GUCY2C: variants seen among roughly 807,000 people sequenced by gnomAD.
GUCY2C encodes the protein guanylyl cyclase C.
In GUCY2C, 118 loss-of-function variants were observed where a neutral mutation model predicts 131.1. The observed-to-expected ratio is 0.90, with a 90% confidence interval of 0.78 to 1.05. GUCY2C has a LOEUF of 1.05. Ranked by LOEUF, GUCY2C falls within the 50% of genes least tolerant of loss-of-function variation. The pLI, the probability that GUCY2C is intolerant of heterozygous loss-of-function variation, is 0.00. For synonymous variants in GUCY2C, 452 were observed against 457.8 expected (o/e 0.99, Z 0.16); for missense variants, 1,161 against 1,304.4 (o/e 0.89, Z 1.69).
chr12:14,623,648 G>A (rs1018493385), intron 21 of GUCY2C, among the ~76,000 whole-genome samples: 4 of 152,202 alleles, frequency 2.6e-5, no homozygotes, highest in Non-Finnish European at 5.9e-5. Flanking sequence ...CAAATCTCAT[G>A]CTGAATTGTA....
chr12:14,681,621 G>T, intron 4 of GUCY2C, 144 bp from the exon 5 acceptor site: 1 of 652,650 alleles, frequency 1.5e-6, no homozygotes. Flanking sequence ...CACACACCAT[G>T]ATACCACTAG....
chr12:14,615,634 T>G (rs1592068737), intron 25 of GUCY2C, among the ~76,000 whole-genome samples: 2 of 147,574 alleles, frequency 1.4e-5, no homozygotes, highest in South Asian at 2.1e-4. Context: ...GAGTGATTGA[T>G]ATATATATAT....
In GUCY2C at chr12:14,683,064, T is replaced by C. The variant is rs1948382352; in HGVS notation, c.589A>G (p.Thr197Ala). The change falls in exon 4 of 27, where the codon ACA becomes GCA. Residue 197 changes from threonine to alanine, a missense_variant. Coordinates refer to ENST00000261170, the MANE Select transcript of GUCY2C (RefSeq NM_004963.4). ...TACCAGAAACAGTCCTCAGTTTCTG[T>C]ACCATTCTTGTAAACATACGAAGTG... The part of the protein sequence containing the change: ...WSTSYVYKNG[T>A]ETEDCFWYLN... 2 of 1,612,178 alleles carry C rather than the reference T, an allele frequency of 1.2e-6. No homozygotes were observed. The highest frequency in any genetic ancestry group is 4.5e-5 in the East Asian group (2 of 44,832).
In GUCY2C at chr12:14,648,250, G is replaced by A. The variant is rs191982724; in HGVS notation, c.1711-2935C>T. Among the ~76,000 whole-genome samples the A allele has an allele frequency of 1.6e-3, 242 of 147,594 alleles. 3 individuals carry two copies. The South Asian group carries it at 0.023, about 14-fold the overall frequency. On this transcript the variant is annotated intron_variant, in intron 15 of 26. Transcript: ENST00000261170. ...GATGGGATTACAGGCATGAGCCACCGCACCTAGCCTCATCTTTAAATTAAA... is the reference window on the plus strand; with the variant it reads ...GATGGGATTACAGGCATGAGCCACCACACCTAGCCTCATCTTTAAATTAAA...
chr12:14,688,276 C>T (rs114236582), intron 1 of GUCY2C, among the ~76,000 whole-genome samples: 2,511 of 152,116 alleles, frequency 0.017, 77 homozygotes, highest in African/African-American at 0.057. Flanking sequence ...CTCTCTCTCT[C>T]AACAGTTTTA....
At chr12:14,640,046 A>T in intron 18 of GUCY2C, 96 bp from the exon 19 acceptor site, 2 of 827,318 alleles carry the variant, frequency 2.4e-6, no homozygotes, top group East Asian at 2.5e-5. Flanking sequence ...ACTCCCCTGG[A>T]TGGCTCTTAG....
chr12:14,667,929 T>G (rs1183776925), intron 10 of GUCY2C, among the ~76,000 whole-genome samples: 1 of 151,972 alleles, frequency 6.6e-6, no homozygotes, highest in Non-Finnish European at 1.5e-5. Flanking sequence ...CCATGTCATT[T>G]AACATTCTTC....
intron 19 of GUCY2C, among the ~76,000 whole-genome samples, chr12:14,638,672 G>A (rs1170186002): frequency 6.6e-6 from 1 of 152,162 alleles, no homozygotes; most frequent in Non-Finnish European, 1.5e-5. Context: ...TCATGGAGGT[G>A]GAGAGAATAA....
At chr12:14,623,780 C>T (rs142881492) in intron 21 of GUCY2C, among the ~76,000 whole-genome samples, 279 of 152,156 alleles carry the variant, frequency 1.8e-3, no homozygotes, top group Non-Finnish European at 3.3e-3. Flanking sequence ...GTGTGTGGCA[C>T]CTCCCCCTTT....
intron 6 of GUCY2C, among the ~76,000 whole-genome samples, chr12:14,679,035 A>T (rs1360819869): frequency 3.9e-5 from 6 of 152,226 alleles, no homozygotes; most frequent in Non-Finnish European, 8.8e-5. Flanking sequence ...TCAGACTCAT[A>T]CAAGTGAAAC....
At chr12:14,656,428 G>A (rs1947764521) in intron 12 of GUCY2C, 84 bp downstream of exon 12, 3 of 709,340 alleles carry the variant, frequency 4.2e-6, no homozygotes, top group Non-Finnish European at 7.7e-6. Context: ...ATCCCTACTT[G>A]GCACATATCC....
intron 12 of GUCY2C, among the ~76,000 whole-genome samples, chr12:14,653,855 C>T (rs1052169788): frequency 2.6e-5 from 4 of 152,194 alleles, no homozygotes; most frequent in Admixed American, 2.0e-4. Flanking sequence ...ATCATCATTT[C>T]ATTTTCTTCT....
intron 1 of GUCY2C, 45 bp downstream of exon 1, chr12:14,696,187 G>T: frequency 6.9e-7 from 1 of 1,449,908 alleles, no homozygotes; most frequent in East Asian, 2.3e-5. Context: ...TTTGTCCCCA[G>T]AGGTAGTAAC....
intron 3 of GUCY2C, among the ~76,000 whole-genome samples, chr12:14,684,125 C>A (rs1480103293): frequency 2.0e-5 from 3 of 152,178 alleles, no homozygotes; most frequent in Non-Finnish European, 4.4e-5. Flanking sequence ...CTTCTCATGG[C>A]ATTCCCAAGC....
intron 9 of GUCY2C, 26 bp from the exon 10 acceptor site, chr12:14,669,859 A>G: frequency 1.1e-6 from 1 of 908,064 alleles, no homozygotes; most frequent in Non-Finnish European, 1.8e-6. Context: ...AAAAAGAAAA[A>G]GGATGAACAG....
At chr12:14,669,371 ATTT>A (rs796096394) in intron 10 of GUCY2C, among the ~76,000 whole-genome samples, 1 of 140,306 alleles carries the variant, frequency 7.1e-6, no homozygotes, top group African/African-American at 2.6e-5. Flanking sequence ...TGCCTGGGTA[ATTT>A]TTTTTTTTTT....
intron 26 of GUCY2C, chr12:14,614,595 T>G (rs928722860): frequency 2.6e-6 from 1 of 384,102 alleles, no homozygotes; most frequent in Admixed American, 5.0e-5. Flanking sequence ...AGCCCCCACA[T>G]CTGATTCAGG....
At chr12:14,624,236 T>A (rs1008123632) in intron 21 of GUCY2C, among the ~76,000 whole-genome samples, 1 of 151,774 alleles carries the variant, frequency 6.6e-6, no homozygotes, top group African/African-American at 2.4e-5. Flanking sequence ...AGGTCAGGAG[T>A]TCGAGACCAG....
At chr12:14,637,196 C>CAA (rs3083857) in intron 19 of GUCY2C, among the ~76,000 whole-genome samples, 107,396 of 123,228 alleles carry the variant, frequency 0.87, 48,426 homozygotes, top group Non-Finnish European at 0.97. Context: ...CAATAGCTAC[C>CAA]AAAAAAAAAA....
Sources: gnomAD v4.1 joint callset for allele counts (sites outside exome capture counted in the v4.1 genomes callset) on GRCh38, gnomAD v4.1.1 for gene constraint, MANE v1.5 for transcripts, NCBI Gene and HGNC (gene_info 2026-07-23, HGNC 2026-07-21) for gene names.